The following SYNE2 variants were observed in gnomAD, a reference collection of about 807,000 sequenced individuals.
The protein encoded by SYNE2 is nesprin-2.
SYNE2 carries 431 observed loss-of-function variants against 856.3 expected under a neutral mutation model. The ratio of observed to expected loss-of-function variants is 0.50; its 90% CI spans 0.47 to 0.55. SYNE2 has a LOEUF of 0.55. Among genes scored for constraint, SYNE2 ranks in the 20% least tolerant of loss-of-function variants. SYNE2 has a pLI of 0.00. For missense variants in SYNE2, 8,129 were observed against 8,023.2 expected (o/e 1.01, Z -0.50); for synonymous variants, 2,923 against 2,872.3 (o/e 1.02, Z -0.56).
At chr14:63,859,677 G>A (rs1207855135) in intron 1 of SYNE2, among the ~76,000 whole-genome samples, 1 of 152,170 alleles carries the variant, frequency 6.6e-6, no homozygotes, top group Non-Finnish European at 1.5e-5. Context: ...TTAGCTGGGT[G>A]TGGTGGCACA....
At chr14:64,047,480 T>C (rs2097194735) in intron 45 of SYNE2, among the ~76,000 whole-genome samples, 1 of 152,208 alleles carries the variant, frequency 6.6e-6, no homozygotes, top group Non-Finnish European at 1.5e-5. Flanking sequence ...AATTAACTTG[T>C]AGCTTGGCTT....
chr14:64,111,996 A>G lies in SYNE2; in HGVS notation c.12610-1345A>G, dbSNP rs1050314294. On this transcript the variant is annotated intron_variant, in intron 65 of 115. Transcript: ENST00000555002. ...AAATGGCATTTTGGCAGAAAACAGCACATGTATGTGAAGATAATAGATGGT... is the reference window on the plus strand; with the variant it reads ...AAATGGCATTTTGGCAGAAAACAGCGCATGTATGTGAAGATAATAGATGGT... Among the ~76,000 whole-genome samples the G allele has an allele frequency of 3.3e-5, 5 of 152,316 alleles. No individual in the cohort carries two copies. The East Asian group carries it at 7.7e-4, about 23-fold the overall frequency.
At position 64,031,302 on chromosome 14, in the gene SYNE2, C is replaced by T. The variant is rs1228094269; in HGVS notation, c.7166C>T (p.Ser2389Phe). 2 of 1,614,130 alleles carry T rather than the reference C, an allele frequency of 1.2e-6. No homozygotes were observed. The highest frequency in any genetic ancestry group is 1.7e-6 in the Non-Finnish European group (2 of 1,180,034). ...CAGGCCACTTCTGATGTGCAGGAGTCTACTCAGGAATCAGCTGCAGTGGAA... is the reference window on the plus strand; with the variant it reads ...CAGGCCACTTCTGATGTGCAGGAGTTTACTCAGGAATCAGCTGCAGTGGAA... ...EKQATSDVQE[S>F]TQESAAVEKL... Residue 2389 changes from serine (S) to phenylalanine (F), a missense_variant, in exon 45 of 116, where the codon TCT becomes TTT. By Grantham distance (155) the Ser-to-Phe change is radical. Transcript: ENST00000555002.
chr14:64,167,382 C>T lies in SYNE2; in HGVS notation c.16755C>T (p.Arg5585=). 1 of 1,614,224 alleles carries T rather than the reference C, an allele frequency of 6.2e-7. No homozygotes were observed. The highest frequency in any genetic ancestry group is 2.2e-5 in the East Asian group (1 of 44,890). The change falls in exon 91 of 116, where the codon CGC becomes CGT. Residue 5585 remains arginine, a synonymous_variant. Transcript: ENST00000555002. ...WIRATATALE[R]CSELQGIGLN... ...GGGCCACGGCCACGGCACTGGAGCG[C>T]TGCAGGTTAGAACATCCCTTCTCTG...
intron 100 of SYNE2, 87 bp downstream of exon 100, chr14:64,203,050 T>G: frequency 5.9e-6 from 9 of 1,522,760 alleles, no homozygotes; most frequent in Non-Finnish European, 8.1e-6. Flanking sequence ...CTATGTGTTT[T>G]CACGTGCTCA....
intron 45 of SYNE2, among the ~76,000 whole-genome samples, chr14:64,032,959 G>T (rs1594999511): frequency 1.3e-5 from 2 of 152,282 alleles, no homozygotes; most frequent in East Asian, 3.9e-4. Context: ...CTTGAGCCCA[G>T]GAGTTTGAGA....
In SYNE2 at chr14:64,210,003, G is replaced by A. The variant is rs527806293; in HGVS notation, c.18602G>A (p.Arg6201Gln). 39 of 1,614,004 alleles carry A rather than the reference G, an allele frequency of 2.4e-5. No homozygotes were observed. The highest frequency in any genetic ancestry group is 4.0e-5 in the African/African-American group (3 of 74,900). ...TQLELINKQY[R>Q]RLARENRTDT... is the part of the protein sequence containing the mutation. ...CTGGAGCTCATCAACAAGCAGTACC[G>A]GCGGCTGGCCCGGGAGAACCGCACA... The change falls in exon 103 of 116, where the codon CGG becomes CAG. Residue 6201 changes from arginine to glutamine, a missense_variant. Arg to Gln is a conservative substitution (Grantham distance 43, BLOSUM62 1). This residue lies in a region of SYNE2 where 5,410 missense variants were observed against 5,284.8 expected (regional missense o/e 1.02). Transcript: ENST00000555002.
chr14:64,124,863 C>T (rs2097926150), intron 70 of SYNE2, among the ~76,000 whole-genome samples: 2 of 152,040 alleles, frequency 1.3e-5, no homozygotes, highest in Admixed American at 6.6e-5. Context: ...ATTAGCCGGG[C>T]ATGGTGGCAG....
At position 64,125,246 on chromosome 14, in the gene SYNE2, A is replaced by G. The variant is rs117497270; in HGVS notation, c.13554+36A>G. On this transcript the variant is annotated intron_variant, in intron 71 of 115. Transcript: ENST00000555002. ...CACACAATGTGTTTTCCTCATTGTA[A>G]TAACATAAACAAAGGAGATATCATC... 3,208 of 1,613,186 alleles carry G rather than the reference A, an allele frequency of 2.0e-3. 10 individuals carry two copies. The highest frequency in any genetic ancestry group is 2.4e-3 in the Non-Finnish European group (2,879 of 1,179,638).
chr14:64,130,034 T>G lies in SYNE2; in HGVS notation c.14140-14T>G. ...GATGAAAATGCATGTGTGCACCTGC[T>G]CTTCTCTTTTCAGGATGTACTTGAC... On this transcript the variant is annotated splice_polypyrimidine_tract_variant and intron_variant, in intron 75 of 115. Transcript: ENST00000555002. 6.2e-7 allele frequency: 1 copy of G among 1,613,516 alleles called. No individual in the cohort carries two copies. The highest frequency in any genetic ancestry group is 8.5e-7 in the Non-Finnish European group (1 of 1,180,008).
chr14:64,150,364 C>T (rs769222273), intron 84 of SYNE2, among the ~76,000 whole-genome samples: 4 of 142,034 alleles, frequency 2.8e-5, no homozygotes, highest in Admixed American at 7.3e-5. Flanking sequence ...GGACTGTAGG[C>T]GTGTGCCACC....
intron 92 of SYNE2, 102 bp downstream of exon 92, chr14:64,167,741 A>C (rs182084221): frequency 1.0e-5 from 15 of 1,493,874 alleles, no homozygotes; most frequent in Non-Finnish European, 1.4e-5. Context: ...ATCAGTCCCT[A>C]AACACAGAAT....
At position 64,134,606 on chromosome 14, in the gene SYNE2, G is replaced by A. The variant is rs568972973; in HGVS notation, c.14646+406G>A. Among the ~76,000 whole-genome samples the A allele has an allele frequency of 7.9e-5, 12 of 152,286 alleles. No homozygotes were observed. In the South Asian group the frequency reaches 1.0e-3, roughly 13 times the overall value. On this transcript the variant is annotated intron_variant, in intron 78 of 115. Transcript: ENST00000555002. ...CCTTCGGCCTCTAAACATATATTTC[G>A]TTTTATTCCTACAGTGAAGTCCTGA...
intron 1 of SYNE2, among the ~76,000 whole-genome samples, chr14:63,900,191 G>A (rs1004518197): frequency 2.6e-5 from 4 of 152,192 alleles, no homozygotes; most frequent in Non-Finnish European, 5.9e-5. Flanking sequence ...ACACTGCTTT[G>A]TTGTGAGATT....
chr14:64,022,481 C>T (rs2096942835), intron 37 of SYNE2, among the ~76,000 whole-genome samples: 1 of 151,988 alleles, frequency 6.6e-6, no homozygotes, highest in Admixed American at 6.6e-5. Context: ...GCCTGTAATT[C>T]TAGCACTTTG....
intron 1 of SYNE2, among the ~76,000 whole-genome samples, chr14:63,866,864 C>T (rs1244818504): frequency 6.6e-6 from 1 of 151,924 alleles, no homozygotes; most frequent in Non-Finnish European, 1.5e-5. Context: ...TCCAGCTCCT[C>T]AGGAGACTGA....
intron 1 of SYNE2, among the ~76,000 whole-genome samples, chr14:63,859,128 A>G (rs1892790215): frequency 6.6e-6 from 1 of 152,130 alleles, no homozygotes; most frequent in Non-Finnish European, 1.5e-5. Flanking sequence ...TCTACTGGGC[A>G]GAAGTCTAGG....
At chr14:63,795,639 C>G (rs1360939716) in intron 1 of SYNE2, among the ~76,000 whole-genome samples, 3 of 152,122 alleles carry the variant, frequency 2.0e-5, no homozygotes, top group African/African-American at 7.2e-5. Flanking sequence ...AGTAAGTAAT[C>G]CTCTCACTTT....
intron 1 of SYNE2, among the ~76,000 whole-genome samples, chr14:63,784,370 G>A (rs149513249): frequency 0.013 from 1,961 of 151,948 alleles, 18 homozygotes; most frequent in Non-Finnish European, 0.017. Context: ...GGTGGTGCAC[G>A]CCTGTAGTCC....
Sources: gnomAD v4.1 joint callset for allele counts (sites outside exome capture counted in the v4.1 genomes callset) on GRCh38, gnomAD v4.1.1 for gene constraint, gnomAD v4.1.1 regional missense constraint, MANE v1.5 for transcripts, NCBI Gene and HGNC (gene_info 2026-07-23, HGNC 2026-07-21) for gene names.